Variants in PCTP observed in about 807,000 individuals in gnomAD.
The protein encoded by PCTP is phosphatidylcholine transfer protein.
A neutral mutation model predicts 31.0 loss-of-function variants in PCTP; 27 were observed. The ratio of observed to expected loss-of-function variants is 0.87; its 90% confidence interval spans 0.64 to 1.20. The LOEUF (loss-of-function observed/expected upper bound fraction) is 1.20, where lower values mean the gene tolerates loss of function less well. Ranked by LOEUF, PCTP falls within the 50% of genes most tolerant of loss-of-function variation. The pLI is 0.00. For synonymous variants in PCTP, 108 were observed against 101.2 expected (o/e 1.07, Z -0.40); for missense variants, 287 against 268.2 (o/e 1.07, Z -0.49).
intron 3 of PCTP, among the ~76,000 whole-genome samples, chr17:55,820,214 A>G (rs1375424397): frequency 6.6e-6 from 1 of 152,216 alleles, no homozygotes; most frequent in Admixed American, 6.5e-5. Context: ...AAGAAACCAT[A>G]AAGAAAGTGA....
chr17:55,751,905 G>C (rs2144895345), intron 1 of PCTP, among the ~76,000 whole-genome samples: 1 of 152,358 alleles, frequency 6.6e-6, no homozygotes, highest in South Asian at 2.1e-4. Context: ...TGTCATCCAA[G>C]GCTTGTCATC....
chr17:55,798,551 T>C (rs1290465435), intron 3 of PCTP, among the ~76,000 whole-genome samples: 1 of 151,794 alleles, frequency 6.6e-6, no homozygotes, highest in Non-Finnish European at 1.5e-5. Flanking sequence ...TAAGAAATTA[T>C]AAAAACCAGG....
intron 5 of PCTP, among the ~76,000 whole-genome samples, chr17:55,835,301 C>T (rs1377445632): frequency 1.3e-5 from 2 of 152,200 alleles, no homozygotes; most frequent in Non-Finnish European, 2.9e-5. Context: ...TATTCTTTAG[C>T]CCTTTCATGC....
At chr17:55,761,203 G>C (rs1452587655) in intron 1 of PCTP, among the ~76,000 whole-genome samples, 1 of 152,108 alleles carries the variant, frequency 6.6e-6, no homozygotes, top group South Asian at 2.1e-4. Flanking sequence ...CTACATCACA[G>C]GGCTATCTTA....
intron 5 of PCTP, among the ~76,000 whole-genome samples, chr17:55,831,979 G>T (rs755739429): frequency 2.6e-5 from 4 of 152,144 alleles, no homozygotes; most frequent in Non-Finnish European, 5.9e-5. Context: ...GGAGGCTGAG[G>T]CAAGAGAATG....
intron 3 of PCTP, among the ~76,000 whole-genome samples, chr17:55,794,130 C>G (rs9915550): frequency 0.042 from 6,440 of 152,022 alleles, 443 homozygotes; most frequent in African/African-American, 0.14. Context: ...TCCTTTTTTG[C>G]ATCATAATAA....
intron 3 of PCTP, among the ~76,000 whole-genome samples, chr17:55,816,550 C>T (rs1055526838): frequency 1.3e-5 from 2 of 152,220 alleles, no homozygotes; most frequent in Non-Finnish European, 1.5e-5. Context: ...ACCTCATATG[C>T]CATTACCCAT....
chr17:55,839,050 A>G (rs1260612982), intron 5 of PCTP, among the ~76,000 whole-genome samples: 1 of 152,224 alleles, frequency 6.6e-6, no homozygotes, highest in Non-Finnish European at 1.5e-5. Context: ...ACACATTCAC[A>G]TAGAACATCC....
At chr17:55,794,867 C>T (rs1255592036) in intron 3 of PCTP, among the ~76,000 whole-genome samples, 1 of 151,934 alleles carries the variant, frequency 6.6e-6, no homozygotes, top group African/African-American at 2.4e-5. Context: ...AGGTTAAACA[C>T]TCTCATTATT....
chr17:55,823,111 A>G (rs1905289405), downstream of PCTP: 1 of 211,604 alleles, frequency 4.7e-6, no homozygotes, highest in South Asian at 1.9e-4. Context: ...TCGCATTCTA[A>G]TGAATAAAAT....
chr17:55,773,985 C>T (rs1304675224), intron 4 of PCTP, 90 bp downstream of exon 4: 93 of 1,401,654 alleles, frequency 6.6e-5, no homozygotes, highest in Non-Finnish European at 7.9e-5. Flanking sequence ...GTACATGAAG[C>T]GTATCCCTGA....
chr17:55,794,825 C>G (rs567365584), intron 3 of PCTP, among the ~76,000 whole-genome samples: 1 of 152,102 alleles, frequency 6.6e-6, no homozygotes, highest in African/African-American at 2.4e-5. Flanking sequence ...TTTTTATTCT[C>G]CTTCTTGTCC....
At chr17:55,808,781 C>G (rs983999743) in intron 3 of PCTP, among the ~76,000 whole-genome samples, 1 of 152,100 alleles carries the variant, frequency 6.6e-6, no homozygotes, top group African/African-American at 2.4e-5. Context: ...ACTGAAGAAC[C>G]CTGGAAGGTC....
In PCTP at chr17:55,761,214, G is replaced by A. The variant is rs962013068; in HGVS notation, c.142-6121G>A. Among the ~76,000 whole-genome samples the A allele has an allele frequency of 6.5e-4, 99 of 152,110 alleles. 1 individual carries two copies. The highest frequency in any genetic ancestry group is 6.4e-3 in the Admixed American group (98 of 15,256). ...CTATCTACATCACAGGGCTATCTTA[G>A]CTGTTACATGAGAGAATGAATATAA... is the stretch of plus-strand genomic sequence containing the variant. On this transcript the variant is annotated intron_variant, in intron 1 of 5. Coordinates refer to ENST00000268896, the MANE Select transcript of PCTP (RefSeq NM_021213.4).
At chr17:55,768,230 T>C (rs990868715) in intron 2 of PCTP, among the ~76,000 whole-genome samples, 1 of 152,244 alleles carries the variant, frequency 6.6e-6, no homozygotes, top group Admixed American at 6.5e-5. Context: ...TTGCTATTGC[T>C]AGGACTTGCT....
intron 5 of PCTP, among the ~76,000 whole-genome samples, chr17:55,841,784 A>C (rs1417503466): frequency 2.0e-5 from 3 of 152,240 alleles, no homozygotes; most frequent in Non-Finnish European, 4.4e-5. Context: ...TTACTCATAC[A>C]GAAATCATTG....
chr17:55,776,497 A>G lies in PCTP; in HGVS notation c.*397A>G. 1 of 1,232,178 alleles carries G rather than the reference A, an allele frequency of 8.1e-7. No homozygotes were observed. The highest frequency in any genetic ancestry group is 4.1e-5 in the South Asian group (1 of 24,354). The allele number at this position is 1,232,178 out of a possible 1,614,324, so 76.3% of individuals were successfully genotyped here. A position where few individuals can be genotyped will look rare whatever the true frequency, so the allele number is the denominator to read the frequency against. ...TGGGCGGAGGGACACAACAAAATTT[A>G]AGAATGACTATTTGGGCGGGCTGGC... On this transcript the variant is annotated 3_prime_UTR_variant, in exon 6 of 6. Coordinates refer to ENST00000268896, the MANE Select transcript of PCTP (RefSeq NM_021213.4).
chr17:55,808,694 A>G (rs1598010312), intron 3 of PCTP, among the ~76,000 whole-genome samples: 1 of 152,218 alleles, frequency 6.6e-6, no homozygotes, highest in East Asian at 1.9e-4. Context: ...GCTTAGCAGC[A>G]TTACACTGGA....
chr17:55,779,263 C>T (rs1911474561), downstream of PCTP, among the ~76,000 whole-genome samples: 1 of 152,124 alleles, frequency 6.6e-6, no homozygotes, highest in South Asian at 2.1e-4. Context: ...AATGAAAACT[C>T]AGTGAATAAG....
Sources: gnomAD v4.1 joint callset for allele counts (sites outside exome capture counted in the v4.1 genomes callset) on GRCh38, gnomAD v4.1.1 for gene constraint, MANE v1.5 for transcripts, NCBI Gene and HGNC (gene_info 2026-07-23, HGNC 2026-07-21) for gene names.